Variants in PFKFB3 observed in about 807,000 individuals in gnomAD.
The protein encoded by PFKFB3 is 6-phosphofructo-2-kinase/fructose-2,6-biphosphatase 3.
PFKFB3 carries 33 observed loss-of-function variants against 68.0 expected under a neutral mutation model. That is an observed-to-expected ratio of 0.49 (90% confidence interval 0.37 to 0.65). The LOEUF is 0.65. Among genes scored for constraint, PFKFB3 ranks in the 30% least tolerant of loss-of-function variants. PFKFB3 has a pLI of 0.00. For synonymous variants in PFKFB3, 315 were observed against 288.2 expected (o/e 1.09, Z -0.94); for missense variants, 586 against 712.2 (o/e 0.82, Z 2.02).
At chr10:6,270,166 C>A in the PFKFB3 span, among the ~76,000 whole-genome samples, 1 of 152,060 alleles carries the variant, frequency 6.6e-6, no homozygotes, top group Non-Finnish European at 1.5e-5. Context: ...ACAACAACAA[C>A]GACAACAACA....
chr10:6,262,342 T>C, the PFKFB3 span, among the ~76,000 whole-genome samples: 4 of 130,634 alleles, frequency 3.1e-5, no homozygotes, highest in Non-Finnish European at 6.5e-5. Context: ...TAGTCCCAGC[T>C]GCTCCAGAGG....
chr10:6,240,971 C>G (rs1429275331), intron 14 of PFKFB3, among the ~76,000 whole-genome samples: 1 of 151,652 alleles, frequency 6.6e-6, no homozygotes, highest in Non-Finnish European at 1.5e-5. Context: ...ATGGCATGAT[C>G]TCAGCTCACT....
intron 14 of PFKFB3, 27 bp downstream of exon 14, chr10:6,226,392 C>T (rs551814051): frequency 7.6e-6 from 12 of 1,576,536 alleles, no homozygotes; most frequent in Non-Finnish European, 5.2e-6. Context: ...TTCCTTCCTG[C>T]CTGGGGGACG....
chr10:6,290,921 C>T, the PFKFB3 span, among the ~76,000 whole-genome samples: 1 of 152,134 alleles, frequency 6.6e-6, no homozygotes, highest in Admixed American at 6.5e-5. Flanking sequence ...GGAAAATTTT[C>T]ATCCATTATT....
rs142979228 is a variant in PFKFB3 at position 6,190,708 on chromosome 10, G to C, written c.17-22915G>C. 4.4e-3 allele frequency among the ~76,000 whole-genome samples: 677 copies of C among 152,302 alleles called. 6 individuals are homozygous for C. Among genetic ancestry groups the C allele is most frequent in the African/African-American group, 0.015 (616 of 41,554 alleles). On this transcript the variant is annotated intron_variant, in intron 1 of 14. Transcript: ENST00000379789. ...GTGGGGAACCCTTTAGAATAGGCTC[G>C]TGTGTTTCTTGATATATCCACATCA...
rs534422774 is a variant in PFKFB3, at chr10:6,212,791, C to T, written c.77-832C>T. On this transcript the variant is annotated intron_variant, in intron 1 of 14. Coordinates refer to ENST00000379775, the MANE Select transcript of PFKFB3 (RefSeq NM_004566.4). ...CTGGGATCACAGGCATGAACCACCG[C>T]GCCTGGCTGTAAACTCCTACTTTTA... Among the ~76,000 whole-genome samples the T allele has an allele frequency of 1.1e-4, 17 of 152,306 alleles. No individual in the cohort carries two copies. The East Asian group carries it at 2.3e-3, about 21-fold the overall frequency.
At position 6,203,025 on chromosome 10, in the gene PFKFB3, G is replaced by A; in HGVS notation, c.-236G>A. On this transcript the variant is annotated 5_prime_UTR_variant, in exon 1 of 15. Coordinates refer to ENST00000379775, the MANE Select transcript of PFKFB3 (RefSeq NM_004566.4). ...ATCCCAGAGCTTTCCGAGCGGACGA[G>A]CCGGCCGTGCCGGGCATCCCCAGCC... 1 of 1,372,266 alleles carries A rather than the reference G, an allele frequency of 7.3e-7. No individual in the cohort carries two copies. The highest frequency in any genetic ancestry group is 1.6e-5 in the South Asian group (1 of 61,414). The allele number at this position is 1,372,266 out of a possible 1,614,324, so 85.0% of individuals were successfully genotyped here. A position where few individuals can be genotyped will look rare whatever the true frequency, so the allele number is the denominator to read the frequency against.
At chr10:6,152,399 C>A (rs879704928) in intron 1 of PFKFB3, 1 of 152,502 alleles carries the variant, frequency 6.6e-6, no homozygotes, top group African/African-American at 2.4e-5. Flanking sequence ...GCCTCTGAGC[C>A]TCCATGGAGG....
chr10:6,224,556 C>A (rs1376742403), intron 13 of PFKFB3: 2 of 464,278 alleles, frequency 4.3e-6, no homozygotes, highest in Non-Finnish European at 8.5e-6. Context: ...TCACGGCTCA[C>A]TGCAGCCTCA....
chr10:6,180,210 T>C (rs546644691), intron 1 of PFKFB3, among the ~76,000 whole-genome samples: 867 of 47,044 alleles, frequency 0.018, 13 homozygotes, highest in African/African-American at 0.06. Context: ...TTGACATTCT[T>C]TTTAATGGAT....
In PFKFB3 at chr10:6,249,512, A is replaced by G. The variant is rs145617589; in HGVS notation, c.1516-4666A>G. Among the ~76,000 whole-genome samples the G allele has an allele frequency of 3.9e-3, 588 of 152,376 alleles. 4 individuals are homozygous for G. Among genetic ancestry groups the G allele is most frequent in the African/African-American group, 0.014 (564 of 41,588 alleles). On this transcript the variant is annotated intron_variant, in intron 14 of 14. Transcript: ENST00000640683. ...ATACAAAATGGGGTACTATTCAACC[A>G]TAAAAATAAACTTTGTCATTTGCAA...
chr10:6,262,033 C>CA, the PFKFB3 span, among the ~76,000 whole-genome samples: 787 of 149,388 alleles, frequency 5.3e-3, 8 homozygotes, highest in African/African-American at 0.018. Flanking sequence ...AAAAAAAACA[C>CA]AAAAAACTCT....
chr10:6,262,469 A>AAG, the PFKFB3 span, among the ~76,000 whole-genome samples: 64,616 of 121,604 alleles, frequency 0.53, 20,162 homozygotes, highest in Non-Finnish European at 0.65. Context: ...AAAAAAAAAA[A>AAG]AAAAAAAAAA....
chr10:6,184,978 G>A (rs1842831271), intron 1 of PFKFB3, among the ~76,000 whole-genome samples: 1 of 152,144 alleles, frequency 6.6e-6, no homozygotes, highest in South Asian at 2.1e-4. Context: ...TTAGCCATCA[G>A]CTTCGCACGT....
chr10:6,249,556 A>G (rs1055256541), intron 14 of PFKFB3, among the ~76,000 whole-genome samples: 3 of 152,258 alleles, frequency 2.0e-5, no homozygotes, highest in Non-Finnish European at 4.4e-5. Context: ...ATGGAATTGG[A>G]AAACATTTAA....
At chr10:6,231,766 C>G (rs947457857) in intron 14 of PFKFB3, among the ~76,000 whole-genome samples, 1 of 151,984 alleles carries the variant, frequency 6.6e-6, no homozygotes, top group Non-Finnish European at 1.5e-5. Flanking sequence ...TCGGCGGGCA[C>G]CCATCAACCC....
chr10:6,251,669 AG>A (rs528236033), intron 14 of PFKFB3, among the ~76,000 whole-genome samples: 220 of 152,254 alleles, frequency 1.4e-3, no homozygotes, highest in African/African-American at 5.1e-3. Context: ...TGATGGAAAG[AG>A]ACAAATAAGA....
downstream of PFKFB3, among the ~76,000 whole-genome samples, chr10:6,256,993 C>T (rs540221683): frequency 1.3e-5 from 2 of 152,214 alleles, no homozygotes; most frequent in South Asian, 4.1e-4. Context: ...ACTTAGAGCT[C>T]TTTCTTTTCT....
intron 14 of PFKFB3, among the ~76,000 whole-genome samples, chr10:6,227,867 C>T (rs544967219): frequency 2.0e-5 from 3 of 152,244 alleles, no homozygotes; most frequent in Non-Finnish European, 4.4e-5. Flanking sequence ...AAATGGTGTC[C>T]CTGTGGCATC....
Sources: allele counts gnomAD v4.1 joint callset (sites outside exome capture counted in the v4.1 genomes callset), GRCh38; gene constraint gnomAD v4.1.1; transcripts MANE v1.5; gene names NCBI Gene and HGNC (gene_info 2026-07-23, HGNC 2026-07-21).